The following MVB12B variants were observed in gnomAD, a reference collection of about 807,000 sequenced individuals.
The protein encoded by MVB12B is multivesicular body subunit 12B.
Under a neutral mutation model 41.6 loss-of-function variants are expected in MVB12B, and 16 were observed. That is an observed-to-expected ratio of 0.38 (90% CI 0.26 to 0.58). The LOEUF (loss-of-function observed/expected upper bound fraction) is 0.58. MVB12B is among the 20% of genes least tolerant of loss of function. The pLI is 0.62. For synonymous variants in MVB12B, 133 were observed against 139.7 expected (o/e 0.95, Z 0.34); for missense variants, 274 against 380.2 (o/e 0.72, Z 2.32).
intron 2 of MVB12B, among the ~76,000 whole-genome samples, chr9:126,370,355 T>A (rs1830302320): frequency 6.6e-6 from 1 of 151,688 alleles, no homozygotes; most frequent in African/African-American, 2.4e-5. Flanking sequence ...GGTGATGTCT[T>A]TTTCTTATTG....
At chr9:126,338,426 C>T (rs1829347576) in intron 1 of MVB12B, among the ~76,000 whole-genome samples, 1 of 152,192 alleles carries the variant, frequency 6.6e-6, no homozygotes, top group Non-Finnish European at 1.5e-5. Flanking sequence ...ATCATCGTAC[C>T]GGGGAGGATA....
intron 9 of MVB12B, among the ~76,000 whole-genome samples, chr9:126,497,689 G>C (rs150008427): frequency 6.6e-6 from 1 of 150,542 alleles, no homozygotes. Context: ...CCACCTGCTC[G>C]TGAACAGCCT....
intron 6 of MVB12B, among the ~76,000 whole-genome samples, chr9:126,407,510 T>C (rs1214696069): frequency 1.3e-5 from 2 of 152,172 alleles, no homozygotes; most frequent in Non-Finnish European, 2.9e-5. Flanking sequence ...TAATAACCAT[T>C]ATTTAGAACT....
chr9:126,336,591 G>A (rs1829283979), intron 1 of MVB12B, among the ~76,000 whole-genome samples: 1 of 152,230 alleles, frequency 6.6e-6, no homozygotes, highest in African/African-American at 2.4e-5. Context: ...GGCAGAAGCT[G>A]GAAGCAGGCT....
chr9:126,375,532 C>T (rs919653556), intron 2 of MVB12B, among the ~76,000 whole-genome samples: 9 of 152,180 alleles, frequency 5.9e-5, no homozygotes, highest in African/African-American at 1.4e-4. Flanking sequence ...GCTGCCCTGA[C>T]GTCTCTTCCT....
In MVB12B at chr9:126,381,186, A is replaced by T. The variant is rs1339851315; in HGVS notation, c.312+15A>T. 2 of 1,570,988 alleles carry T rather than the reference A, an allele frequency of 1.3e-6. No individual in the cohort carries two copies. Among genetic ancestry groups the T allele is most frequent in the East Asian group, 4.5e-5 (2 of 44,684 alleles). On this transcript the variant is annotated intron_variant, in intron 3 of 9. Transcript: ENST00000361171. ...CCAAAGAAAATGTAAGTCTAGTCGT[A>T]GTTTCCATTTGCTGAGTGAGCACAA...
At chr9:126,327,156 C>A in intron 1 of MVB12B, 146 bp downstream of exon 1, 1 of 705,798 alleles carries the variant, frequency 1.4e-6, no homozygotes. Context: ...CCGTGCCCGG[C>A]CCGCGGCGGG....
At chr9:126,492,407 T>A (rs1014985184) in intron 9 of MVB12B, among the ~76,000 whole-genome samples, 3 of 152,046 alleles carry the variant, frequency 2.0e-5, no homozygotes, top group Admixed American at 2.0e-4. Flanking sequence ...TGGAAGAGGA[T>A]GTATGTTACC....
At chr9:126,474,364 A>T (rs138206358) in intron 7 of MVB12B, among the ~76,000 whole-genome samples, 1 of 152,274 alleles carries the variant, frequency 6.6e-6, no homozygotes, top group Non-Finnish European at 1.5e-5. Context: ...GTGGCTCCCC[A>T]GGAGAAGCCA....
At chr9:126,423,303 G>A (rs1343775062) in intron 7 of MVB12B, among the ~76,000 whole-genome samples, 1 of 152,290 alleles carries the variant, frequency 6.6e-6, no homozygotes, top group East Asian at 1.9e-4. Flanking sequence ...GTTCTCTGAT[G>A]GCTTTCCCAG....
At chr9:126,415,635 C>T (rs1224252982) in intron 6 of MVB12B, among the ~76,000 whole-genome samples, 2 of 152,074 alleles carry the variant, frequency 1.3e-5, no homozygotes, top group Admixed American at 1.3e-4. Context: ...GGAAGTTTCC[C>T]GAAACTATCC....
chr9:126,487,766 CAA>C (rs570639548), intron 9 of MVB12B, among the ~76,000 whole-genome samples: 9 of 108,888 alleles, frequency 8.3e-5, no homozygotes, highest in Admixed American at 1.9e-4. Context: ...GACTCCGTCT[CAA>C]AAAAAAAAAA....
chr9:126,400,738 T>C (rs6478737), intron 6 of MVB12B, among the ~76,000 whole-genome samples: 150,557 of 152,298 alleles, frequency 0.99, 74,442 homozygotes, highest in East Asian at 1. Context: ...GAGGAGGAGG[T>C]ATGGATAGTG....
At chr9:126,497,716 C>T (rs549143925) in intron 9 of MVB12B, among the ~76,000 whole-genome samples, 2 of 152,344 alleles carry the variant, frequency 1.3e-5, no homozygotes, top group South Asian at 2.1e-4. Context: ...TAGTGAAGCA[C>T]TTTCTCACGC....
At chr9:126,350,459 T>C (rs1239220345) in intron 2 of MVB12B, among the ~76,000 whole-genome samples, 1 of 152,206 alleles carries the variant, frequency 6.6e-6, no homozygotes, top group African/African-American at 2.4e-5. Flanking sequence ...ACTTTTATAG[T>C]TTTACATTAA....
At chr9:126,470,806 A>G (rs1833299850) in intron 7 of MVB12B, among the ~76,000 whole-genome samples, 1 of 152,124 alleles carries the variant, frequency 6.6e-6, no homozygotes. Context: ...ACGTCTTTGG[A>G]TTGGGTCTCA....
chr9:126,419,698 C>T (rs1831943503), intron 6 of MVB12B, among the ~76,000 whole-genome samples: 1 of 152,220 alleles, frequency 6.6e-6, no homozygotes, highest in African/African-American at 2.4e-5. Flanking sequence ...AACCCTTCTG[C>T]AGCTGCTCCT....
chr9:126,418,725 G>T (rs1024080097), intron 6 of MVB12B, among the ~76,000 whole-genome samples: 1 of 152,088 alleles, frequency 6.6e-6, no homozygotes, highest in Non-Finnish European at 1.5e-5. Flanking sequence ...TCTGGAGGAG[G>T]TCAGACTCCC....
chr9:126,338,989 C>G (rs529787204), intron 1 of MVB12B, among the ~76,000 whole-genome samples: 4 of 152,238 alleles, frequency 2.6e-5, no homozygotes, highest in African/African-American at 7.2e-5. Flanking sequence ...AGTGTGGTAC[C>G]CCCTGCCCTG....
Sources: allele counts gnomAD v4.1 joint callset (sites outside exome capture counted in the v4.1 genomes callset), GRCh38; gene constraint gnomAD v4.1.1; transcripts MANE v1.5; gene names NCBI Gene and HGNC (gene_info 2026-07-23, HGNC 2026-07-21).